RFT1: variants seen among roughly 807,000 people sequenced by gnomAD.
The protein encoded by RFT1 is RFT1 glycolipid translocator homolog, also known as man(5)GlcNAc(2)-PP-dolichol translocation protein RFT1.
RFT1 carries 43 observed loss-of-function variants against 62.2 expected under a neutral mutation model. The observed-to-expected ratio is 0.69, with a 90% CI of 0.54 to 0.89. RFT1 has a LOEUF of 0.89. Ranked by LOEUF, RFT1 falls within the 40% of genes least tolerant of loss-of-function variation. The pLI is 0.00. For missense variants in RFT1, 605 were observed against 649.9 expected (o/e 0.93, Z 0.75); for synonymous variants, 262 against 264.6 (o/e 0.99, Z 0.10).
intron 11 of RFT1, among the ~76,000 whole-genome samples, chr3:53,093,848 G>A (rs1701065097): frequency 2.0e-5 from 3 of 152,010 alleles, no homozygotes; most frequent in African/African-American, 7.3e-5. Context: ...TCATGAGACC[G>A]TGTCTCTACA....
downstream of RFT1, among the ~76,000 whole-genome samples, chr3:53,085,357 TC>T (rs1559575114): frequency 6.6e-6 from 1 of 152,174 alleles, no homozygotes; most frequent in Non-Finnish European, 1.5e-5. Context: ...GGCATCCCCT[TC>T]CCTCCTTCCT....
intron 7 of RFT1, among the ~76,000 whole-genome samples, chr3:53,107,713 A>C (rs912456970): frequency 2.0e-5 from 3 of 151,804 alleles, no homozygotes; most frequent in African/African-American, 7.3e-5. Context: ...AGGTGAAGAC[A>C]CCAGCCAGGG....
At position 53,127,468 on chromosome 3, in the gene RFT1, G is replaced by A. The variant is rs151077775; in HGVS notation, c.64-1474C>T. ...TGTAATCCCAGCACTTTGGAAGGCC[G>A]AGGCTGGCGGATCATGAGGTCAGGA... is the stretch of plus-strand genomic sequence containing the variant. On this transcript the variant is annotated intron_variant, in intron 1 of 12. Transcript: ENST00000296292. 0.011 allele frequency among the ~76,000 whole-genome samples: 1,642 copies of A among 152,230 alleles called. 66 individuals are homozygous for A. The South Asian group carries it at 0.11, about 10-fold the overall frequency.
Position 53,105,823 on chromosome 3 carries a change from AAAC to A in RFT1, c.827-23_827-21del, listed in dbSNP as rs1184463687. Reference sequence around the variant, plus strand: ...ACACACCTACAAAACAAAAAAGAAGAAACAACAATCATGTTGGTTTTTCTATTT... The same window carrying A: ...ACACACCTACAAAACAAAAAAGAAGAAACAATCATGTTGGTTTTTCTATTT... On this transcript the variant is annotated intron_variant, in intron 8 of 12. Coordinates refer to ENST00000296292, the MANE Select transcript of RFT1 (RefSeq NM_052859.4). 5 of 1,609,010 alleles carry A rather than the reference AAAC, an allele frequency of 3.1e-6. No individual in the cohort carries two copies. The highest frequency in any genetic ancestry group is 4.2e-6 in the Non-Finnish European group (5 of 1,176,928).
At chr3:53,070,037 T>A in the RFT1 span, among the ~76,000 whole-genome samples, 1 of 152,200 alleles carries the variant, frequency 6.6e-6, no homozygotes, top group Non-Finnish European at 1.5e-5. Flanking sequence ...GGCTAGATGT[T>A]TCCTGCCCTG....
rs572662288 is a variant in RFT1 at position 53,101,925 on chromosome 3, G to A, written c.1102+2028C>T. Among the ~76,000 whole-genome samples, 7 of 152,130 alleles carry A rather than the reference G, an allele frequency of 4.6e-5. No homozygotes were observed. In the East Asian group the frequency reaches 9.6e-4, roughly 21 times the overall value. On this transcript the variant is annotated intron_variant, in intron 10 of 12. Transcript: ENST00000296292. ...GTGGTAGGGTGTGCCTGTAATCTCA[G>A]CTACTCGGGAGGCTGAGGCGGGAGT...
chr3:53,092,983 C>T (rs764505292), intron 11 of RFT1, among the ~76,000 whole-genome samples: 3 of 152,184 alleles, frequency 2.0e-5, no homozygotes, highest in Non-Finnish European at 2.9e-5. Flanking sequence ...GTGAGGAGTG[C>T]TGGGGACACA....
the RFT1 span, among the ~76,000 whole-genome samples, chr3:53,068,822 C>T: frequency 6.6e-6 from 1 of 152,220 alleles, no homozygotes; most frequent in Non-Finnish European, 1.5e-5. Flanking sequence ...TAGTAGAAAT[C>T]ATACTTCAAG....
chr3:53,099,559 T>C (rs1190880936), intron 10 of RFT1, 73 bp from the exon 11 acceptor site: 8 of 1,186,166 alleles, frequency 6.7e-6, no homozygotes, highest in African/African-American at 6.0e-5. Flanking sequence ...TGCTGCTGAG[T>C]ACCCAGAGAA....
Position 53,099,672 on chromosome 3 carries a change from T to C in RFT1, c.1103-186A>G, listed in dbSNP as rs76048209. On this transcript the variant is annotated intron_variant, in intron 10 of 12. Transcript: ENST00000296292. ...GAAGGATTCCCAACATTCTATGGCA[T>C]TGACTAAATAATCAGCAAAAAACAA... Among the ~76,000 whole-genome samples, 927 of 152,276 alleles carry C rather than the reference T, an allele frequency of 6.1e-3. 9 individuals are homozygous for C. Among genetic ancestry groups the C allele is most frequent in the African/African-American group, 0.019 (782 of 41,542 alleles).
chr3:53,092,212 C>A, intron 12 of RFT1, 142 bp from the exon 13 acceptor site: 1 of 1,391,526 alleles, frequency 7.2e-7, no homozygotes, highest in Non-Finnish European at 1.0e-6. Flanking sequence ...ATTGTTTCCC[C>A]ATTGGCAACA....
At chr3:53,085,078 G>C (rs1700828997), downstream of RFT1, among the ~76,000 whole-genome samples, 1 of 142,926 alleles carries the variant, frequency 7.0e-6, no homozygotes, top group Non-Finnish European at 1.5e-5. Flanking sequence ...GGAGGAGGGA[G>C]GGGGCTGGGG....
In RFT1 at chr3:53,089,878, C is replaced by T. The variant is rs1700942800; in HGVS notation, c.*2025G>A. On this transcript the variant is annotated 3_prime_UTR_variant, in exon 13 of 13. Coordinates refer to ENST00000296292, the MANE Select transcript of RFT1 (RefSeq NM_052859.4). ...GAGCCTCTCTCAAGCTGAGAGAGCACAAGCCTGGGGAGTCCTGCTCCCAGA... is the reference window on the plus strand; with the variant it reads ...GAGCCTCTCTCAAGCTGAGAGAGCATAAGCCTGGGGAGTCCTGCTCCCAGA... The T allele has an allele frequency of 6.6e-6, 1 of 152,540 alleles. No individual in the cohort carries two copies. The highest frequency in any genetic ancestry group is 1.5e-5 in the Non-Finnish European group (1 of 68,110). 9.4% of individuals were successfully genotyped at this position (152,540 alleles called of 1,614,324 possible). A position where few individuals can be genotyped will look rare whatever the true frequency, so the allele number is the denominator to read the frequency against.
chr3:53,129,633 C>A (rs1031628755), intron 1 of RFT1, among the ~76,000 whole-genome samples: 1 of 152,148 alleles, frequency 6.6e-6, no homozygotes. Context: ...TTTGGACTAA[C>A]TGGCCTGTAT....
intron 10 of RFT1, among the ~76,000 whole-genome samples, chr3:53,102,646 GA>G (rs1471615045): frequency 1.3e-5 from 2 of 152,188 alleles, no homozygotes; most frequent in Non-Finnish European, 2.9e-5. Flanking sequence ...CCAAACAACG[GA>G]AGAGAAGCCA....
At chr3:53,073,324 G>A in the RFT1 span, among the ~76,000 whole-genome samples, 2 of 152,232 alleles carry the variant, frequency 1.3e-5, no homozygotes, top group South Asian at 2.1e-4. Context: ...AACCTGGGCT[G>A]GGGCTTGACA....
intron 5 of RFT1, 104 bp from the exon 6 acceptor site, chr3:53,120,125 AC>A (rs1553656896): frequency 4.0e-6 from 2 of 498,528 alleles, no homozygotes; most frequent in Non-Finnish European, 6.2e-6. Flanking sequence ...GATTAACTGC[AC>A]TTTCTATTCA....
At chr3:53,096,901 C>T (rs1161321877) in intron 11 of RFT1, among the ~76,000 whole-genome samples, 4 of 151,914 alleles carry the variant, frequency 2.6e-5, no homozygotes, top group African/African-American at 9.7e-5. Context: ...TGCGCCCCTA[C>T]GCCCAGCTAA....
At chr3:53,088,237 G>C (rs1427237327), downstream of RFT1, among the ~76,000 whole-genome samples, 1 of 152,168 alleles carries the variant, frequency 6.6e-6, no homozygotes, top group Non-Finnish European at 1.5e-5. Context: ...AGCTTAAGGG[G>C]GGATGGGGAG....
Sources: allele counts gnomAD v4.1 joint callset (sites outside exome capture counted in the v4.1 genomes callset), GRCh38; gene constraint gnomAD v4.1.1; transcripts MANE v1.5; gene names NCBI Gene and HGNC (gene_info 2026-07-23, HGNC 2026-07-21).